The following PDE4D variants were observed in gnomAD, a reference collection of about 807,000 sequenced individuals.
PDE4D encodes phosphodiesterase 4D, also known as 3',5'-cyclic-AMP phosphodiesterase 4D.
PDE4D carries 24 observed loss-of-function variants against 87.4 expected under a neutral mutation model. The ratio of observed to expected loss-of-function variants is 0.27; its 90% CI spans 0.20 to 0.39. The LOEUF (loss-of-function observed/expected upper bound fraction) is 0.39, where lower values mean the gene tolerates loss of function less well. Among genes scored for constraint, PDE4D ranks in the 10% least tolerant of loss-of-function variants. PDE4D has a pLI of 1.00. For missense variants in PDE4D, 714 were observed against 1,041.0 expected (o/e 0.69, Z 4.32); for synonymous variants, 384 against 383.2 (o/e 1.00, Z -0.02).
At chr5:59,536,271 C>G (rs1484742231) in intron 1 of PDE4D, among the ~76,000 whole-genome samples, 1 of 151,612 alleles carries the variant, frequency 6.6e-6, no homozygotes, top group South Asian at 2.1e-4. Context: ...TTTGGGAGGC[C>G]GAGATGGGTG....
intron 3 of PDE4D, among the ~76,000 whole-genome samples, chr5:59,971,163 C>A (rs1460885940): frequency 7.6e-6 from 1 of 131,656 alleles, no homozygotes; most frequent in Non-Finnish European, 1.5e-5. Context: ...ACAATGAGAT[C>A]ACATGGACAC....
chr5:59,788,361 T>C (rs1049681746), intron 1 of PDE4D, among the ~76,000 whole-genome samples: 6 of 152,140 alleles, frequency 3.9e-5, no homozygotes, highest in African/African-American at 9.7e-5. Context: ...TAACAAAACC[T>C]TGGCTGTCTG....
intron 1 of PDE4D, among the ~76,000 whole-genome samples, chr5:59,402,373 T>G (rs563666809): frequency 6.6e-6 from 1 of 152,186 alleles, no homozygotes; most frequent in African/African-American, 2.4e-5. Context: ...AAGCTGTCCC[T>G]GACATCTGCA....
chr5:60,092,185 C>T (rs376713106), intron 2 of PDE4D, among the ~76,000 whole-genome samples: 2 of 150,564 alleles, frequency 1.3e-5, no homozygotes, highest in South Asian at 2.1e-4. Flanking sequence ...TTACGTTAAG[C>T]GATGGCACAA....
At chr5:59,337,611 T>C (rs1777936101) in intron 1 of PDE4D, among the ~76,000 whole-genome samples, 1 of 152,170 alleles carries the variant, frequency 6.6e-6, no homozygotes. Context: ...ATTATTTCAA[T>C]TTACAGATAA....
intron 1 of PDE4D, among the ~76,000 whole-genome samples, chr5:59,809,946 A>G (rs189644901): frequency 1.3e-5 from 2 of 152,348 alleles, no homozygotes; most frequent in East Asian, 3.9e-4. Context: ...TATTACAAAG[A>G]ATAATACACA....
At chr5:59,647,121 ACATAATCTGG>A (rs986842597) in intron 1 of PDE4D, among the ~76,000 whole-genome samples, 1 of 152,214 alleles carries the variant, frequency 6.6e-6, no homozygotes. Flanking sequence ...TACAAAATGC[ACATAATCTGG>A]CATATTCACA....
chr5:60,423,438 A>G (rs1188642632), intron 1 of PDE4D, among the ~76,000 whole-genome samples: 1 of 152,260 alleles, frequency 6.6e-6, no homozygotes, highest in African/African-American at 2.4e-5. Context: ...CTACTCCTGA[A>G]TGACTACTGG....
chr5:59,298,664 G>A (rs1315441838), intron 1 of PDE4D, among the ~76,000 whole-genome samples: 1 of 152,184 alleles, frequency 6.6e-6, no homozygotes, highest in African/African-American at 2.4e-5. Flanking sequence ...GTAATTGAAA[G>A]TGACATTTAA....
intron 1 of PDE4D, among the ~76,000 whole-genome samples, chr5:59,549,312 T>A (rs1356914406): frequency 6.6e-6 from 1 of 152,198 alleles, no homozygotes; most frequent in Non-Finnish European, 1.5e-5. Context: ...TTTCATTCAC[T>A]ATCACAACAA....
chr5:60,174,746 C>T (rs1255229000), intron 2 of PDE4D, among the ~76,000 whole-genome samples: 1 of 152,028 alleles, frequency 6.6e-6, no homozygotes, highest in Admixed American at 6.6e-5. Context: ...TTTCTTCTTG[C>T]TCACAACATT....
chr5:59,064,641 T>G (rs940481346), intron 5 of PDE4D, among the ~76,000 whole-genome samples: 16 of 152,190 alleles, frequency 1.1e-4, no homozygotes, highest in Admixed American at 7.9e-4. Flanking sequence ...TTCAGTTGGA[T>G]CTCTATTAAA....
At chr5:59,512,919 T>C (rs1810513939) in intron 1 of PDE4D, among the ~76,000 whole-genome samples, 1 of 152,166 alleles carries the variant, frequency 6.6e-6, no homozygotes, top group African/African-American at 2.4e-5. Flanking sequence ...TAAAAAAATA[T>C]GTCAAGGTAT....
At chr5:58,985,500 C>T (rs1280449876) in intron 11 of PDE4D, among the ~76,000 whole-genome samples, 9 of 152,294 alleles carry the variant, frequency 5.9e-5, no homozygotes, top group Admixed American at 5.9e-4. Flanking sequence ...ATTAACTGCC[C>T]TGGGAACCAG....
At chr5:59,056,886 G>T (rs1762458979) in intron 5 of PDE4D, among the ~76,000 whole-genome samples, 1 of 152,160 alleles carries the variant, frequency 6.6e-6, no homozygotes, top group South Asian at 2.1e-4. Context: ...AACAGGAGCT[G>T]CCAGATAAGG....
chr5:60,087,255 T>TA (rs1774633863), intron 2 of PDE4D, among the ~76,000 whole-genome samples: 1 of 151,996 alleles, frequency 6.6e-6, no homozygotes, highest in African/African-American at 2.4e-5. Context: ...TACTAAGGAA[T>TA]AAAGGCCTAA....
rs531422977 is a variant in PDE4D at position 59,321,016 on chromosome 5, C to T, written c.456-105048G>A. On this transcript the variant is annotated intron_variant, in intron 1 of 14. Coordinates refer to ENST00000340635, the MANE Select transcript of PDE4D (RefSeq NM_001104631.2). Reference sequence around the variant, plus strand: ...AAGTCGGTTGCTCTAAAGACCCATCCTTGGAGAAATCCAATGATTTCCTGC... The same window carrying T: ...AAGTCGGTTGCTCTAAAGACCCATCTTTGGAGAAATCCAATGATTTCCTGC... Among the ~76,000 whole-genome samples the T allele has an allele frequency of 3.7e-4, 56 of 152,204 alleles. 1 individual carries two copies. The highest frequency in any genetic ancestry group is 1.3e-3 in the African/African-American group (56 of 41,534).
At chr5:59,208,529 T>C (rs796785610) in intron 2 of PDE4D, among the ~76,000 whole-genome samples, 1 of 152,354 alleles carries the variant, frequency 6.6e-6, no homozygotes, top group African/African-American at 2.4e-5. Context: ...ACCATCTCAC[T>C]GTAGCAGTGC....
At chr5:59,465,227 C>T (rs1485590136) in intron 1 of PDE4D, among the ~76,000 whole-genome samples, 1 of 152,160 alleles carries the variant, frequency 6.6e-6, no homozygotes, top group Non-Finnish European at 1.5e-5. Context: ...CTGTTTCCTA[C>T]ATCAGGACTT....
Sources: allele counts gnomAD v4.1 joint callset (sites outside exome capture counted in the v4.1 genomes callset), GRCh38; gene constraint gnomAD v4.1.1; transcripts MANE v1.5; gene names NCBI Gene and HGNC (gene_info 2026-07-23, HGNC 2026-07-21).